Variants in PRKD1 observed in about 807,000 individuals in gnomAD.
PRKD1 encodes protein kinase D1.
Under a neutral mutation model 95.9 loss-of-function variants are expected in PRKD1, and 63 were observed. The observed-to-expected ratio is 0.66, with a 90% CI of 0.54 to 0.81. The LOEUF (loss-of-function observed/expected upper bound fraction) is 0.81, where lower values mean the gene tolerates loss of function less well. Among genes scored for constraint, PRKD1 ranks in the 30% least tolerant of loss-of-function variants. The pLI, the probability that PRKD1 is intolerant of heterozygous loss-of-function variation, is 0.00. For synonymous variants in PRKD1, 425 were observed against 423.1 expected (o/e 1.00, Z -0.05); for missense variants, 1,048 against 1,165.3 (o/e 0.90, Z 1.47).
chr14:29,876,603 TG>T (rs1893298416), intron 1 of PRKD1, among the ~76,000 whole-genome samples: 1 of 151,602 alleles, frequency 6.6e-6, no homozygotes, highest in African/African-American at 2.4e-5. Flanking sequence ...GCCATTATCA[TG>T]ACAGTGAGAC....
intron 2 of PRKD1, among the ~76,000 whole-genome samples, chr14:29,671,115 A>T (rs1191367613): frequency 2.0e-5 from 3 of 152,198 alleles, no homozygotes. Flanking sequence ...TAGGCAGCTC[A>T]GAAGTTTCTG....
chr14:29,757,932 G>A (rs1726936227), intron 1 of PRKD1, among the ~76,000 whole-genome samples: 2 of 152,008 alleles, frequency 1.3e-5, no homozygotes, highest in Non-Finnish European at 2.9e-5. Context: ...CTTCATATCT[G>A]GGGTTTCATC....
chr14:29,800,443 T>C (rs1889979500), intron 1 of PRKD1, among the ~76,000 whole-genome samples: 1 of 152,218 alleles, frequency 6.6e-6, no homozygotes, highest in South Asian at 2.1e-4. Context: ...GGGTTAACTC[T>C]GATTTGCAAT....
chr14:29,872,386 G>C (rs1466793652), intron 1 of PRKD1, among the ~76,000 whole-genome samples: 3 of 151,964 alleles, frequency 2.0e-5, no homozygotes, highest in African/African-American at 7.2e-5. Context: ...CTCCACACCA[G>C]GTGGGGTGGC....
chr14:29,819,949 A>C (rs1890845576), intron 1 of PRKD1, among the ~76,000 whole-genome samples: 1 of 152,184 alleles, frequency 6.6e-6, no homozygotes, highest in Non-Finnish European at 1.5e-5. Context: ...TTTGCCCTCA[A>C]GGTATTGATA....
chr14:29,605,053 G>A (rs1008139863), intron 13 of PRKD1, among the ~76,000 whole-genome samples: 1 of 152,046 alleles, frequency 6.6e-6, no homozygotes, highest in African/African-American at 2.4e-5. Context: ...AAGTAATAGA[G>A]CCCACCTCCT....
chr14:29,788,118 T>C (rs1029117171), intron 1 of PRKD1, among the ~76,000 whole-genome samples: 2 of 152,194 alleles, frequency 1.3e-5, no homozygotes, highest in African/African-American at 4.8e-5. Context: ...CGGTGATGAA[T>C]TCCCTCAGTT....
chr14:29,838,693 G>A (rs575835665), intron 1 of PRKD1, among the ~76,000 whole-genome samples: 13 of 151,896 alleles, frequency 8.6e-5, no homozygotes, highest in African/African-American at 2.4e-4. Context: ...ATATATAAGA[G>A]GATATATATA....
chr14:29,909,054 CG>C (rs1303202049), intron 1 of PRKD1, among the ~76,000 whole-genome samples: 3 of 152,152 alleles, frequency 2.0e-5, no homozygotes, highest in African/African-American at 7.2e-5. Context: ...GCATGAGTTC[CG>C]GGTGGGCGTG....
At chr14:29,740,867 T>C (rs921350017) in intron 1 of PRKD1, among the ~76,000 whole-genome samples, 3 of 152,178 alleles carry the variant, frequency 2.0e-5, no homozygotes, top group Admixed American at 6.5e-5. Flanking sequence ...TGCCCATCTA[T>C]GACAGACTGG....
At chr14:29,578,894 G>A (rs1447743338) in intron 16 of PRKD1, among the ~76,000 whole-genome samples, 1 of 152,094 alleles carries the variant, frequency 6.6e-6, no homozygotes, top group Non-Finnish European at 1.5e-5. Flanking sequence ...CTTGGAGCCT[G>A]AAAACCAACA....
chr14:29,599,635 C>T (rs376917934), intron 14 of PRKD1, 21 bp downstream of exon 14: 30 of 1,586,662 alleles, frequency 1.9e-5, no homozygotes, highest in South Asian at 7.9e-5. Context: ...GTATTTTTTC[C>T]GTCTCTAATT....
intron 2 of PRKD1, among the ~76,000 whole-genome samples, chr14:29,712,145 C>T (rs1885362644): frequency 6.6e-6 from 1 of 152,084 alleles, no homozygotes; most frequent in South Asian, 2.1e-4. Context: ...CCATCACTCC[C>T]AAATAATGTG....
At chr14:29,900,652 T>A (rs1305356422) in intron 1 of PRKD1, among the ~76,000 whole-genome samples, 2 of 151,560 alleles carry the variant, frequency 1.3e-5, no homozygotes. Context: ...AAACAAACAA[T>A]CCAATTTAAA....
chr14:29,779,357 T>G (rs1192049780), intron 1 of PRKD1, among the ~76,000 whole-genome samples: 18 of 152,138 alleles, frequency 1.2e-4, no homozygotes, highest in East Asian at 7.7e-4. Context: ...GTCCCTGTTT[T>G]CAGATGACAT....
At chr14:29,661,375 C>T (rs1882179232) in intron 4 of PRKD1, among the ~76,000 whole-genome samples, 1 of 152,090 alleles carries the variant, frequency 6.6e-6, no homozygotes, top group South Asian at 2.1e-4. Context: ...AAAGGTTTTA[C>T]TATTATTGCT....
At chr14:29,607,534 G>A (rs1878075075) in intron 13 of PRKD1, among the ~76,000 whole-genome samples, 1 of 152,168 alleles carries the variant, frequency 6.6e-6, no homozygotes, top group African/African-American at 2.4e-5. Flanking sequence ...TGAAGTCCCC[G>A]TTTCCTCGCT....
chr14:29,775,173 A>G (rs982094230), intron 1 of PRKD1, among the ~76,000 whole-genome samples: 51 of 152,212 alleles, frequency 3.4e-4, no homozygotes, highest in African/African-American at 1.2e-3. Flanking sequence ...GAGAGGTTCC[A>G]AGATGGCCGA....
intron 1 of PRKD1, among the ~76,000 whole-genome samples, chr14:29,741,511 T>C (rs1886978465): frequency 6.6e-6 from 1 of 152,316 alleles, no homozygotes; most frequent in African/African-American, 2.4e-5. Context: ...CCCAGACTCA[T>C]AGCAAATGCT....
Sources: gnomAD v4.1 joint callset for allele counts (sites outside exome capture counted in the v4.1 genomes callset) on GRCh38, gnomAD v4.1.1 for gene constraint, MANE v1.5 for transcripts, NCBI Gene and HGNC (gene_info 2026-07-23, HGNC 2026-07-21) for gene names.